The following CLCN3 variants were observed in gnomAD, a reference collection of about 807,000 sequenced individuals.
The protein encoded by CLCN3 is H(+)/Cl(-) exchange transporter 3.
Under a neutral mutation model 83.4 loss-of-function variants are expected in CLCN3, and 16 were observed. That is an observed-to-expected ratio of 0.19 (90% CI 0.13 to 0.29). The LOEUF is 0.29. Among genes scored for constraint, CLCN3 ranks in the 10% least tolerant of loss-of-function variants. CLCN3 has a pLI of 1.00. For missense variants in CLCN3, 544 were observed against 1,006.0 expected, an observed-to-expected ratio of 0.54 and a Z score of 6.21; for synonymous variants, 322 against 346.2, an observed-to-expected ratio of 0.93 and a Z score of 0.78.
At chr4:169,702,020 A>G (rs1367446532) in intron 9 of CLCN3, among the ~76,000 whole-genome samples, 4 of 152,072 alleles carry the variant, frequency 2.6e-5, no homozygotes, top group Admixed American at 6.5e-5. Context: ...AAACTCCATG[A>G]TTTTGCCTCT....
At chr4:169,663,314 TTTGTTGTTGTTGTTG>T (rs71590022) in intron 2 of CLCN3, among the ~76,000 whole-genome samples, 3 of 131,106 alleles carry the variant, frequency 2.3e-5, no homozygotes, top group Non-Finnish European at 4.7e-5. Flanking sequence ...AGTGGGTTTT[TTTGTTGTTGTTGTTG>T]TTGTTGTTGT....
chr4:169,628,696 G>A (rs763787125), intron 1 of CLCN3, among the ~76,000 whole-genome samples: 10 of 152,192 alleles, frequency 6.6e-5, no homozygotes, highest in Non-Finnish European at 8.8e-5. Flanking sequence ...TACATTGTTG[G>A]TAGAAATGTA....
intron 2 of CLCN3, among the ~76,000 whole-genome samples, chr4:169,675,703 G>A (rs1009986831): frequency 1.1e-3 from 170 of 152,204 alleles, no homozygotes; most frequent in African/African-American, 3.9e-3. Context: ...AAAGTTTATA[G>A]TGCTTTGGAA....
chr4:169,668,042 C>CCTT (rs780656327), intron 2 of CLCN3, among the ~76,000 whole-genome samples: 1 of 93,634 alleles, frequency 1.1e-5, no homozygotes. Context: ...CCCGGCCAGA[C>CCTT]ATTTTTTTTT....
At chr4:169,644,964 C>A (rs1730531521) in intron 2 of CLCN3, among the ~76,000 whole-genome samples, 1 of 152,132 alleles carries the variant, frequency 6.6e-6, no homozygotes, top group Non-Finnish European at 1.5e-5. Context: ...AACAGATTCT[C>A]CCCTGAAGCC....
intron 2 of CLCN3, among the ~76,000 whole-genome samples, chr4:169,648,783 T>G (rs1230238336): frequency 2.0e-4 from 30 of 152,196 alleles, no homozygotes; most frequent in Admixed American, 2.0e-3. Context: ...TCCCAGCACT[T>G]TGGGAAGCCA....
chr4:169,672,195 G>A (rs1581231399), intron 2 of CLCN3, among the ~76,000 whole-genome samples: 1 of 133,788 alleles, frequency 7.5e-6, no homozygotes, highest in Admixed American at 7.3e-5. Context: ...CTGGGTGACA[G>A]AGCGAGTCTC....
chr4:169,690,701 C>G lies in CLCN3; in HGVS notation c.729+49C>G, dbSNP rs557343203. On this transcript the variant is annotated intron_variant, in intron 6 of 12. Transcript: ENST00000513761. The stretch of plus-strand genomic sequence containing the variant: ...CATTAAACATTATTATGATGCTTAT[C>G]TTTTTGACCTTAGTGATAATAAAAG... 2.3e-5 allele frequency: 35 copies of G among 1,539,872 alleles called. No homozygotes were observed. In the South Asian group the frequency reaches 2.9e-4, roughly 13 times the overall value.
chr4:169,707,338 A>G, intron 11 of CLCN3, 72 bp downstream of exon 11: 1 of 1,182,500 alleles, frequency 8.5e-7, no homozygotes, highest in East Asian at 2.4e-5. Flanking sequence ...ATAAGCAGTA[A>G]CATTTAATGG....
At position 169,723,129 on chromosome 4, in the gene CLCN3, G is replaced by C. The variant is rs2150285576; in HGVS notation, c.*3132G>C. On this transcript the variant is annotated 3_prime_UTR_variant, in exon 13 of 13. Transcript: ENST00000513761. ...TGTAGTAAAGCTGCATATCATTACA[G>C]TAAAAACGACTACTGTGATGAGTTA... The C allele has an allele frequency of 6.6e-6, 1 of 152,278 alleles. No homozygotes were observed. The highest frequency in any genetic ancestry group is 6.5e-5 in the Admixed American group (1 of 15,294). 9.4% of individuals were successfully genotyped at this position (152,278 alleles called of 1,614,324 possible).
At chr4:169,679,660 G>A (rs1267246489) in intron 2 of CLCN3, among the ~76,000 whole-genome samples, 6 of 152,194 alleles carry the variant, frequency 3.9e-5, no homozygotes, top group Non-Finnish European at 7.3e-5. Flanking sequence ...AGGCCGAGGC[G>A]GGCAGATCAC....
In CLCN3 at chr4:169,624,175, C is replaced by T. The variant is rs376159937; in HGVS notation, c.-17+3112C>T. 3.9e-5 allele frequency among the ~76,000 whole-genome samples: 6 copies of T among 152,022 alleles called. No individual in the cohort carries two copies. In the East Asian group the frequency reaches 1.2e-3, roughly 29 times the overall value. On this transcript the variant is annotated intron_variant, in intron 1 of 12. Coordinates refer to ENST00000513761, the MANE Select transcript of CLCN3 (RefSeq NM_001829.4). Reference sequence around the variant, plus strand: ...TTGAGATAGACTCTTGTTCTGTTACCCCAGCTGGAGTGTAGTGGTGCAATC... The same window carrying T: ...TTGAGATAGACTCTTGTTCTGTTACTCCAGCTGGAGTGTAGTGGTGCAATC...
chr4:169,662,712 G>A (rs1313767591), intron 2 of CLCN3: 2 of 152,168 alleles, frequency 1.3e-5, no homozygotes, highest in African/African-American at 2.4e-5. Flanking sequence ...TTTTCAAGGC[G>A]AGATGGTAAA....
chr4:169,713,068 T>C lies in CLCN3; in HGVS notation c.2150-11T>C, dbSNP rs754021073. 5.0e-6 allele frequency: 8 copies of C among 1,610,022 alleles called. No individual in the cohort carries two copies. Among genetic ancestry groups the C allele is most frequent in the South Asian group, 3.3e-5 (3 of 90,860 alleles). On this transcript the variant is annotated splice_polypyrimidine_tract_variant and intron_variant, in intron 11 of 12. Coordinates refer to ENST00000513761, the MANE Select transcript of CLCN3 (RefSeq NM_001829.4). ...AGTTTAAAAGTGTTGGTCTCTTCTC[T>C]CTCTTTTCAGAAAGTGCCAGGAAAA...
At chr4:169,718,739 C>G (rs915739841) in intron 12 of CLCN3, among the ~76,000 whole-genome samples, 1 of 152,206 alleles carries the variant, frequency 6.6e-6, no homozygotes, top group Non-Finnish European at 1.5e-5. Flanking sequence ...AAGTGCACAA[C>G]TGATTATGTA....
chr4:169,687,842 T>A (rs748871466), intron 4 of CLCN3, 85 bp downstream of exon 4: 7 of 645,636 alleles, frequency 1.1e-5, no homozygotes, highest in Admixed American at 3.3e-5. Context: ...TTTTTTCAGG[T>A]ACCATTGGAT....
intron 12 of CLCN3, among the ~76,000 whole-genome samples, chr4:169,716,947 G>GT (rs1733444356): frequency 6.6e-6 from 1 of 152,062 alleles, no homozygotes; most frequent in South Asian, 2.1e-4. Context: ...AAAGATTAAA[G>GT]TTTTTTTAAG....
chr4:169,708,757 A>G (rs747229529), intron 11 of CLCN3, among the ~76,000 whole-genome samples: 6 of 152,064 alleles, frequency 3.9e-5, no homozygotes, highest in African/African-American at 7.2e-5. Flanking sequence ...GAATATTGAG[A>G]TAGGACATAA....
chr4:169,647,758 T>C (rs917079379), intron 2 of CLCN3, among the ~76,000 whole-genome samples: 18 of 152,250 alleles, frequency 1.2e-4, no homozygotes, highest in Admixed American at 7.2e-4. Context: ...ATAATTTATG[T>C]ACCCATTCCA....
Sources: allele counts gnomAD v4.1 joint callset (sites outside exome capture counted in the v4.1 genomes callset), GRCh38; gene constraint gnomAD v4.1.1; transcripts MANE v1.5; gene names NCBI Gene and HGNC (gene_info 2026-07-23, HGNC 2026-07-21).